Variants in TENM3 observed in about 807,000 individuals in gnomAD.
TENM3 encodes teneurin transmembrane protein 3.
A neutral mutation model predicts 255.1 loss-of-function variants in TENM3; 63 were observed. The observed-to-expected ratio is 0.25, with a 90% CI of 0.20 to 0.30. The LOEUF (loss-of-function observed/expected upper bound fraction) is 0.30. TENM3 is among the 10% of genes least tolerant of loss of function. The pLI is 1.00. For missense variants in TENM3, 2,929 were observed against 3,461.1 expected, an observed-to-expected ratio of 0.85 and a Z score of 3.86; for synonymous variants, 1,306 against 1,322.3, an observed-to-expected ratio of 0.99 and a Z score of 0.27.
At chr4:181,913,829 G>A in the TENM3 span, among the ~76,000 whole-genome samples, 3 of 152,124 alleles carry the variant, frequency 2.0e-5, no homozygotes, top group Admixed American at 6.6e-5. Context: ...CTCTCTCTTG[G>A]ATTTTAAAGG....
the TENM3 span, among the ~76,000 whole-genome samples, chr4:181,846,878 A>C: frequency 6.6e-6 from 1 of 152,242 alleles, no homozygotes; most frequent in East Asian, 1.9e-4. Context: ...ACACTTTAAG[A>C]AATAATATTT....
At chr4:181,722,838 A>G in the TENM3 span, among the ~76,000 whole-genome samples, 3 of 152,100 alleles carry the variant, frequency 2.0e-5, no homozygotes, top group Non-Finnish European at 4.4e-5. Flanking sequence ...GGTACTCAAC[A>G]ACACACTCTG....
chr4:182,092,452 AGC>A, the TENM3 span, among the ~76,000 whole-genome samples: 1 of 152,220 alleles, frequency 6.6e-6, no homozygotes, highest in Non-Finnish European at 1.5e-5. Context: ...GTTCAAGGCC[AGC>A]CTGAGCAACA....
chr4:182,138,689 A>G, the TENM3 span, among the ~76,000 whole-genome samples: 1 of 152,374 alleles, frequency 6.6e-6, no homozygotes, highest in South Asian at 2.1e-4. Context: ...TAATATAAAA[A>G]CATGAGTATC....
the TENM3 span, among the ~76,000 whole-genome samples, chr4:182,099,912 A>C: frequency 2.6e-5 from 4 of 152,130 alleles, no homozygotes; most frequent in Non-Finnish European, 5.9e-5. Flanking sequence ...AGAAGAAAAG[A>C]CAAGAGTAGC....
At chr4:181,589,934 G>T in the TENM3 span, among the ~76,000 whole-genome samples, 3 of 152,080 alleles carry the variant, frequency 2.0e-5, no homozygotes, top group Non-Finnish European at 4.4e-5. Flanking sequence ...GAAACAGAAG[G>T]GAGGTCAGCC....
At chr4:182,027,438 T>A in the TENM3 span, among the ~76,000 whole-genome samples, 1 of 152,150 alleles carries the variant, frequency 6.6e-6, no homozygotes, top group African/African-American at 2.4e-5. Flanking sequence ...ATTTGACTTC[T>A]TCTTTCCAAT....
At chr4:181,849,237 T>G in the TENM3 span, among the ~76,000 whole-genome samples, 2 of 152,188 alleles carry the variant, frequency 1.3e-5, no homozygotes, top group Non-Finnish European at 2.9e-5. Context: ...ATAACTGAAA[T>G]GGCTATATAA....
chr4:182,799,520 G>A lies in TENM3; in HGVS notation c.7345-76G>A. On this transcript the variant is annotated intron_variant, in intron 27 of 27. Coordinates refer to ENST00000511685, the MANE Select transcript of TENM3 (RefSeq NM_001080477.4). The surrounding 1 kb of genome is among the most constrained non-coding windows in gnomAD (Gnocchi z 4.2). ...CATGCATGCCCCGGCGCTGCCCCCA[G>A]AGTCCCGTGTGTGGGTCAGGAGTGG... is the stretch of plus-strand genomic sequence containing the variant. 2.0e-6 allele frequency: 3 copies of A among 1,493,106 alleles called. No individual in the cohort carries two copies. The South Asian group carries it at 3.8e-5, about 19-fold the overall frequency. The allele number at this position is 1,493,106 out of a possible 1,614,324, so 92.5% of individuals were successfully genotyped here.
At chr4:182,453,806 A>G (rs1773665781) in intron 3 of TENM3, among the ~76,000 whole-genome samples, 1 of 152,140 alleles carries the variant, frequency 6.6e-6, no homozygotes, top group African/African-American at 2.4e-5. Flanking sequence ...CTTATATAAC[A>G]AGTTTAACAT....
chr4:181,886,126 C>T, the TENM3 span, among the ~76,000 whole-genome samples: 3 of 147,434 alleles, frequency 2.0e-5, no homozygotes. Context: ...GATCGCCACT[C>T]ACTGCAACCT....
chr4:182,526,205 C>G (rs1028740933), intron 3 of TENM3, among the ~76,000 whole-genome samples: 5 of 152,094 alleles, frequency 3.3e-5, no homozygotes, highest in Non-Finnish European at 7.4e-5. Context: ...TGGGCTCGAT[C>G]TCCTGACCTC....
rs755656458 is a variant in TENM3, at chr4:182,802,590, G to A, written c.*2239G>A. The A allele has an allele frequency of 6.6e-5, 10 of 152,492 alleles. No individual in the cohort carries two copies. The highest frequency in any genetic ancestry group is 1.2e-4 in the African/African-American group (5 of 41,362). 9.4% of individuals were successfully genotyped at this position (152,492 alleles called of 1,614,324 possible). ...TCTTGACGTGGACTGGTCTTCACTC[G>A]GGCACCGATAAATAACAGATTTGGA... On this transcript the variant is annotated 3_prime_UTR_variant, in exon 28 of 28. Transcript: ENST00000511685.
At chr4:181,563,305 C>T in the TENM3 span, among the ~76,000 whole-genome samples, 1 of 152,168 alleles carries the variant, frequency 6.6e-6, no homozygotes, top group African/African-American at 2.4e-5. Flanking sequence ...AGAAGCCTCA[C>T]TCTGATCTCT....
the TENM3 span, among the ~76,000 whole-genome samples, chr4:182,025,139 C>T: frequency 6.6e-6 from 1 of 151,926 alleles, no homozygotes; most frequent in Admixed American, 6.5e-5. Context: ...CGCCATTCTC[C>T]TGGCTCAGCC....
intron 1 of TENM3, chr4:182,169,324 A>G (rs1364029888): frequency 2.1e-6 from 1 of 478,790 alleles, no homozygotes; most frequent in Non-Finnish European, 4.4e-6. Context: ...TTAGTTTTGA[A>G]TGTTTATTGT....
chr4:181,744,653 G>A, the TENM3 span, among the ~76,000 whole-genome samples: 26 of 152,206 alleles, frequency 1.7e-4, no homozygotes, highest in Non-Finnish European at 4.4e-5. Flanking sequence ...AAATAGTCCA[G>A]GTGAAGGATG....
At chr4:182,026,021 T>G in the TENM3 span, among the ~76,000 whole-genome samples, 1 of 152,274 alleles carries the variant, frequency 6.6e-6, no homozygotes, top group Non-Finnish European at 1.5e-5. Flanking sequence ...TTCCCCACCC[T>G]GTGTCCGTGT....
chr4:182,459,820 G>A (rs183792821), intron 3 of TENM3, among the ~76,000 whole-genome samples: 17 of 151,978 alleles, frequency 1.1e-4, no homozygotes, highest in South Asian at 6.2e-4. Context: ...TCAGGAGTTG[G>A]GCATCAGAAT....
Sources: gnomAD v4.1 joint callset for allele counts (sites outside exome capture counted in the v4.1 genomes callset) on GRCh38, gnomAD v4.1.1 for gene constraint, Gnocchi (gnomAD v3.1) non-coding constraint, MANE v1.5 for transcripts, NCBI Gene and HGNC (gene_info 2026-07-23, HGNC 2026-07-21) for gene names.